KIF13A: variants seen among roughly 807,000 people sequenced by gnomAD.
The protein encoded by KIF13A is kinesin-like protein KIF13A.
A neutral mutation model predicts 212.2 loss-of-function variants in KIF13A; 79 were observed. The ratio of observed to expected loss-of-function variants is 0.37; its 90% CI spans 0.31 to 0.45. The LOEUF (loss-of-function observed/expected upper bound fraction) is 0.45. KIF13A is among the 20% of genes least tolerant of loss of function. The probability of loss-of-function intolerance (pLI) is 1.00; values close to 1 mark genes in which losing one functional copy is unlikely to be tolerated. For missense variants in KIF13A, 1,901 were observed against 2,209.0 expected (o/e 0.86, Z 2.79); for synonymous variants, 789 against 808.6 (o/e 0.98, Z 0.41).
chr6:17,920,722 A>G (rs896815650), intron 2 of KIF13A, among the ~76,000 whole-genome samples: 4 of 151,932 alleles, frequency 2.6e-5, no homozygotes, highest in African/African-American at 4.8e-5. Context: ...AAAAATACAA[A>G]AATTAGCTGG....
intron 2 of KIF13A, among the ~76,000 whole-genome samples, chr6:17,908,837 A>C (rs1312236037): frequency 2.6e-5 from 4 of 152,238 alleles, no homozygotes; most frequent in Non-Finnish European, 5.9e-5. Flanking sequence ...TCCTTCTGGC[A>C]TAACTGTATT....
rs896396606 is a variant in KIF13A, at chr6:17,780,314, T to C, written c.3846+416A>G. Among the ~76,000 whole-genome samples the C allele has an allele frequency of 4.6e-4, 70 of 152,180 alleles. 1 individual carries two copies. The highest frequency in any genetic ancestry group is 4.8e-5 in the African/African-American group (2 of 41,458). On this transcript the variant is annotated intron_variant, in intron 31 of 38. Coordinates refer to ENST00000259711, the MANE Select transcript of KIF13A (RefSeq NM_022113.6). ...TTTCCTGAGATGGCTAGAACAACAC[T>C]GGAGAGGATCAGTTTCACTGACAGC...
rs1419090171 is a variant in KIF13A, at chr6:17,776,106, A to C, written c.4171-1044T>G. Among the ~76,000 whole-genome samples, 1 of 151,996 alleles carries C rather than the reference A, an allele frequency of 6.6e-6. No individual in the cohort carries two copies. Among genetic ancestry groups the C allele is most frequent in the Non-Finnish European group, 1.5e-5 (1 of 67,978 alleles). Reference sequence around the variant, plus strand: ...TTGGTCAGGCTGGTCTTGAACTCCCAACCTCAGGTGATCTGCCCACCTCAG... The same window carrying C: ...TTGGTCAGGCTGGTCTTGAACTCCCCACCTCAGGTGATCTGCCCACCTCAG... On this transcript the variant is annotated intron_variant, in intron 34 of 38. Transcript: ENST00000259711. The surrounding 1 kb of genome is among the most constrained non-coding windows in gnomAD (Gnocchi z 4.6).
At chr6:17,859,638 A>ATATT (rs1461455926) in intron 4 of KIF13A, among the ~76,000 whole-genome samples, 2 of 111,858 alleles carry the variant, frequency 1.8e-5, no homozygotes, top group Non-Finnish European at 3.7e-5. Flanking sequence ...ATATATATAT[A>ATATT]TTTTTTTTTT....
At position 17,783,614 on chromosome 6, in the gene KIF13A, A is replaced by G. The variant is rs1760798641; in HGVS notation, c.3544+32T>C. On this transcript the variant is annotated intron_variant, in intron 29 of 38. Coordinates refer to ENST00000259711, the MANE Select transcript of KIF13A (RefSeq NM_022113.6). The surrounding 1 kb of genome is among the most constrained non-coding windows in gnomAD (Gnocchi z 4.3). ...TAGATTACAAACCTTAGTTAAATAC[A>G]ATAATCCCTGTGACTTTAAGTGTCT... 1.4e-6 allele frequency: 2 copies of G among 1,391,348 alleles called. No homozygotes were observed. Among genetic ancestry groups the G allele is most frequent in the African/African-American group, 1.4e-5 (1 of 70,108 alleles). The allele number at this position is 1,391,348 out of a possible 1,614,324, so 86.2% of individuals were successfully genotyped here. A position where few individuals can be genotyped will look rare whatever the true frequency, so the allele number is the denominator to read the frequency against.
chr6:17,828,429 G>T lies in KIF13A; in HGVS notation c.1402-59C>A, dbSNP rs1358361305. 2 of 1,472,442 alleles carry T rather than the reference G, an allele frequency of 1.4e-6. No homozygotes were observed. The highest frequency in any genetic ancestry group is 1.9e-6 in the Non-Finnish European group (2 of 1,070,864). 91.2% of individuals were successfully genotyped at this position (1,472,442 alleles called of 1,614,324 possible). A position where few individuals can be genotyped will look rare whatever the true frequency, so the allele number is the denominator to read the frequency against. ...CATTTATGAGTAACTCAGCAAAAATGTATCACAATCAATTTGAATAACGCA... is the reference window on the plus strand; with the variant it reads ...CATTTATGAGTAACTCAGCAAAAATTTATCACAATCAATTTGAATAACGCA... On this transcript the variant is annotated intron_variant, in intron 13 of 38. Coordinates refer to ENST00000259711, the MANE Select transcript of KIF13A (RefSeq NM_022113.6). This position sits in a 1 kb window ranked among gnomAD's most constrained non-coding sequence, Gnocchi z 4.3.
chr6:17,851,806 T>C (rs1767679544), intron 7 of KIF13A, 149 bp downstream of exon 7: 1 of 421,674 alleles, frequency 2.4e-6, no homozygotes, highest in South Asian at 8.9e-5. Flanking sequence ...GCCCTTTTCC[T>C]CTCTGTTTGC....
rs563474459 is a variant in KIF13A at position 17,987,194 on chromosome 6, A to AGCCC, written c.56-54_56-51dup. 2.7e-3 allele frequency: 3,800 copies of AGCCC among 1,430,498 alleles called. 17 individuals are homozygous for AGCCC. Among genetic ancestry groups the AGCCC allele is most frequent in the African/African-American group, 0.017 (1,204 of 68,994 alleles). The allele number at this position is 1,430,498 out of a possible 1,614,324, so 88.6% of individuals were successfully genotyped here. On this transcript the variant is annotated intron_variant, in intron 1 of 38. Coordinates refer to ENST00000259711, the MANE Select transcript of KIF13A (RefSeq NM_022113.6). The surrounding 1 kb of genome is among the most constrained non-coding windows in gnomAD (Gnocchi z 7.7). ...TGCAAAGTCCAGCATCCGCGCCTCC[A>AGCCC]GCCCGCCCGCCCGCCAGCCGCGCCG...
Position 17,982,540 on chromosome 6 carries a change from C to T in KIF13A, c.146+4514G>A. 1.9e-6 allele frequency: 1 copy of T among 528,256 alleles called. No homozygotes were observed. Among genetic ancestry groups the T allele is most frequent in the Non-Finnish European group, 2.4e-6 (1 of 412,800 alleles). 32.7% of individuals were successfully genotyped at this position (528,256 alleles called of 1,614,324 possible). On this transcript the variant is annotated intron_variant, in intron 2 of 38. Coordinates refer to ENST00000259711, the MANE Select transcript of KIF13A (RefSeq NM_022113.6). This position sits in a 1 kb window ranked among gnomAD's most constrained non-coding sequence, Gnocchi z 5.1. Reference sequence around the variant, plus strand: ...CACACGATTTGCAAGGTGTATTGTTCATCCTGCCATATGGAAAAAATGAAC... The same window carrying T: ...CACACGATTTGCAAGGTGTATTGTTTATCCTGCCATATGGAAAAAATGAAC...
At chr6:17,950,693 T>A in intron 2 of KIF13A, 1 of 984,790 alleles carries the variant, frequency 1.0e-6, no homozygotes, top group Non-Finnish European at 1.2e-6. Flanking sequence ...TCAAATACAC[T>A]TTTAATCATG....
intron 16 of KIF13A, among the ~76,000 whole-genome samples, chr6:17,821,552 GGTGTGTGTGTGTGTGTGTGT>G (rs111387037): frequency 8.9e-6 from 1 of 112,012 alleles, no homozygotes; most frequent in African/African-American, 3.0e-5. Context: ...ATTGGGACAT[GGTGTGTGTGTGTGTGTGTGT>G]GTGTGTGTGT....
rs1229069292 is a variant in KIF13A at position 17,768,418 on chromosome 6, TG to T, written c.4581+2695del. On this transcript the variant is annotated intron_variant, in intron 38 of 38. Coordinates refer to ENST00000259711, the MANE Select transcript of KIF13A (RefSeq NM_022113.6). This position sits in a 1 kb window ranked among gnomAD's most constrained non-coding sequence, Gnocchi z 5.4. ...AATCCACATTAAAGCAGTGACTCTT[TG>T]TAAGGAGTTTCCTTCATTAATGCAA... Among the ~76,000 whole-genome samples, 1 of 152,250 alleles carries T rather than the reference TG, an allele frequency of 6.6e-6. No homozygotes were observed. The highest frequency in any genetic ancestry group is 1.5e-5 in the Non-Finnish European group (1 of 68,044).
chr6:17,779,163 T>C lies in KIF13A; in HGVS notation c.3940-64A>G, dbSNP rs992634235. 4.2e-6 allele frequency: 6 copies of C among 1,429,718 alleles called. No homozygotes were observed. In the African/African-American group the frequency reaches 7.1e-5, roughly 17 times the overall value. 88.6% of individuals were successfully genotyped at this position (1,429,718 alleles called of 1,614,324 possible). A position where few individuals can be genotyped will look rare whatever the true frequency, so the allele number is the denominator to read the frequency against. On this transcript the variant is annotated intron_variant, in intron 32 of 38. Transcript: ENST00000259711. ...AACAACGTTTTCATCCAAAGTGTGG[T>C]GAGAAAACGTTTTAGAAGTCTGGAG...
Position 17,802,293 on chromosome 6 carries a change from CT to C in KIF13A, c.2454+2067del, listed in dbSNP as rs577749171. ...AAATCAGAAGATAGTTGTTCTTAAG[CT>C]TTTTTTTTTTTTTTGAGACGGAGTT... On this transcript the variant is annotated intron_variant, in intron 20 of 38. Coordinates refer to ENST00000259711, the MANE Select transcript of KIF13A (RefSeq NM_022113.6). Among the ~76,000 whole-genome samples the C allele has an allele frequency of 7.6e-3, 1,072 of 140,578 alleles. 8 individuals are homozygous for C. Among genetic ancestry groups the C allele is most frequent in the African/African-American group, 0.015 (578 of 38,612 alleles). The allele number at this position is 140,578 out of a possible 152,430, so 92.2% of individuals were successfully genotyped here.
Position 17,883,806 on chromosome 6 carries a change from G to A in KIF13A, c.160-10369C>T, listed in dbSNP as rs890014897. Among the ~76,000 whole-genome samples the A allele has an allele frequency of 1.3e-5, 2 of 152,026 alleles. No individual in the cohort carries two copies. Among genetic ancestry groups the A allele is most frequent in the African/African-American group, 4.8e-5 (2 of 41,390 alleles). ...ATGGTATGCACCTGCAGTCCCAGCT[G>A]CTTGTGAGGCTGAGGTGGGAGGATC... is the stretch of plus-strand genomic sequence containing the variant. On this transcript the variant is annotated intron_variant, in intron 3 of 38. Coordinates refer to ENST00000259711, the MANE Select transcript of KIF13A (RefSeq NM_022113.6). The surrounding 1 kb of genome is among the most constrained non-coding windows in gnomAD (Gnocchi z 4.8).
rs1290077083 is a variant in KIF13A, at chr6:17,866,840, T to TGC, written c.220+6536_220+6537insGC. On this transcript the variant is annotated intron_variant, in intron 4 of 38. Transcript: ENST00000259711. Reference sequence around the variant, plus strand: ...CAAAAAAGCAGCGCATATATATATATATATATATATATATATATATATATA... The same window carrying TGC: ...CAAAAAAGCAGCGCATATATATATATGCATATATATATATATATATATATATA... Among the ~76,000 whole-genome samples, 27 of 21,474 alleles carry TGC rather than the reference T, an allele frequency of 1.3e-3. 2 individuals are homozygous for TGC. Among genetic ancestry groups the TGC allele is most frequent in the Non-Finnish European group, 2.3e-3 (20 of 8,852 alleles). 14.1% of individuals were successfully genotyped at this position (21,474 alleles called of 152,430 possible).
rs1188503761 is a variant in KIF13A at position 17,811,659 on chromosome 6, T to G, written c.2001-2729A>C. ...ATTATTTCACAACCCATCAACAATT[T>G]ACTTAGGTAAGAGTTCCAGCTTCTT... is the stretch of plus-strand genomic sequence containing the variant. On this transcript the variant is annotated intron_variant, in intron 17 of 38. Transcript: ENST00000259711. The surrounding 1 kb of genome is among the most constrained non-coding windows in gnomAD (Gnocchi z 6.0). Among the ~76,000 whole-genome samples, 1 of 152,228 alleles carries G rather than the reference T, an allele frequency of 6.6e-6. No individual in the cohort carries two copies. The highest frequency in any genetic ancestry group is 1.5e-5 in the Non-Finnish European group (1 of 68,034).
At chr6:17,949,110 G>A (rs1385427071) in intron 2 of KIF13A, among the ~76,000 whole-genome samples, 1 of 152,172 alleles carries the variant, frequency 6.6e-6, no homozygotes, top group Non-Finnish European at 1.5e-5. Flanking sequence ...CAAAGGAGAT[G>A]CTAAAACTCG....
chr6:17,897,056 T>C lies in KIF13A; in HGVS notation c.159+1112A>G, dbSNP rs1039208771. ...CTGCCAATACTTTTCTAATATATTA[T>C]ATATTTCCTCTTTCTTAACAGATCT... On this transcript the variant is annotated intron_variant, in intron 3 of 38. Transcript: ENST00000259711. The surrounding 1 kb of genome is among the most constrained non-coding windows in gnomAD (Gnocchi z 4.8). Among the ~76,000 whole-genome samples the C allele has an allele frequency of 2.6e-5, 4 of 152,204 alleles. No homozygotes were observed. The highest frequency in any genetic ancestry group is 1.9e-4 in the East Asian group (1 of 5,194).
Sources: allele counts gnomAD v4.1 joint callset (sites outside exome capture counted in the v4.1 genomes callset), GRCh38; gene constraint gnomAD v4.1.1; non-coding constraint Gnocchi (gnomAD v3.1); transcripts MANE v1.5; gene names NCBI Gene and HGNC (gene_info 2026-07-23, HGNC 2026-07-21).